The following CEP290 variants were observed in gnomAD, a reference collection of about 807,000 sequenced individuals.
The protein encoded by CEP290 is centrosomal protein of 290 kDa.
A neutral mutation model predicts 344.9 loss-of-function variants in CEP290; 317 were observed. That is an observed-to-expected ratio of 0.92 (90% CI 0.84 to 1.01). The LOEUF (loss-of-function observed/expected upper bound fraction) is 1.01, where lower values mean the gene tolerates loss of function less well. Among genes scored for constraint, CEP290 ranks in the 50% least tolerant of loss-of-function variants. The pLI is 0.00. For synonymous variants in CEP290, 932 were observed against 895.8 expected (o/e 1.04, Z -0.72); for missense variants, 2,754 against 2,761.4 (o/e 1.00, Z 0.06).
At chr12:88,138,439 G>C (rs1424056309) in intron 5 of CEP290, among the ~76,000 whole-genome samples, 1 of 152,146 alleles carries the variant, frequency 6.6e-6, no homozygotes, top group African/African-American at 2.4e-5. Flanking sequence ...CAAGTTCAGA[G>C]AGTTAACGAG....
intron 17 of CEP290, among the ~76,000 whole-genome samples, chr12:88,117,445 G>A (rs1055442367): frequency 2.0e-5 from 3 of 152,150 alleles, no homozygotes; most frequent in African/African-American, 7.2e-5. Flanking sequence ...AAATATAAAT[G>A]ATGAGTAATG....
chr12:88,093,560 T>C (rs544376620), intron 28 of CEP290: 2 of 479,822 alleles, frequency 4.2e-6, no homozygotes, highest in Non-Finnish European at 7.3e-6. Context: ...AATCTAATAA[T>C]ATAACATTGG....
At chr12:88,072,025 A>G in intron 41 of CEP290, 99 bp from the exon 42 acceptor site, 2 of 1,099,732 alleles carry the variant, frequency 1.8e-6, no homozygotes, top group East Asian at 2.8e-5. Context: ...TTGTAAACTA[A>G]TATTTCCTAG....
chr12:88,133,014 G>C (rs574759444), intron 6 of CEP290, among the ~76,000 whole-genome samples: 1 of 151,432 alleles, frequency 6.6e-6, no homozygotes, highest in South Asian at 2.1e-4. Context: ...TGAGTTTGCT[G>C]AGGATAATGG....
At chr12:88,051,560 C>T (rs2033535423) in intron 52 of CEP290, 1 of 152,070 alleles carries the variant, frequency 6.6e-6, no homozygotes, top group African/African-American at 2.4e-5. Context: ...TTAGAATTTC[C>T]AAAACAGTTC....
chr12:88,080,666 T>A (rs1247763626), intron 37 of CEP290, among the ~76,000 whole-genome samples: 1 of 152,140 alleles, frequency 6.6e-6, no homozygotes, highest in African/African-American at 2.4e-5. Context: ...TGACCTCAGG[T>A]GATAAGCCCG....
intron 40 of CEP290, 133 bp from the exon 41 acceptor site, chr12:88,077,477 T>C: frequency 1.5e-6 from 1 of 687,890 alleles, no homozygotes. Flanking sequence ...ACTTAATACA[T>C]AAGATAATCT....
intron 49 of CEP290, among the ~76,000 whole-genome samples, chr12:88,056,564 T>C (rs2034020735): frequency 6.6e-6 from 1 of 152,126 alleles, no homozygotes; most frequent in Non-Finnish European, 1.5e-5. Context: ...CTACCACAAG[T>C]AAACAGTGAA....
At chr12:88,063,923 A>G (rs2034685465) in intron 45 of CEP290, 58 bp downstream of exon 45, 1 of 1,412,312 alleles carries the variant, frequency 7.1e-7, no homozygotes, top group Non-Finnish European at 9.6e-7. Context: ...AAGTAAACAT[A>G]ACAACTAAGG....
chr12:88,077,918 T>C lies in CEP290; in HGVS notation c.5365A>G (p.Thr1789Ala). The C allele has an allele frequency of 8.1e-7, 1 of 1,235,692 alleles. No individual in the cohort carries two copies. Among genetic ancestry groups the C allele is most frequent in the Non-Finnish European group, 1.1e-6 (1 of 891,048 alleles). The allele number at this position is 1,235,692 out of a possible 1,614,324, so 76.5% of individuals were successfully genotyped here. The change falls in exon 40 of 54, where the codon ACA (threonine) becomes GCA (alanine). Residue 1789 changes from threonine to alanine, a missense_variant and splice_region_variant. Coordinates refer to ENST00000552810, the MANE Select transcript of CEP290 (RefSeq NM_025114.4). ...IVDRHTRELK[T>A]QVEDLNENLL... ...TTTTCATTTAAATCTTCAACTTGTG[T>C]CTAATAAGAGAAAAAGAAAGGTATT... is the stretch of plus-strand genomic sequence containing the variant.
At position 88,118,583 on chromosome 12, in the gene CEP290, A is replaced by G; in HGVS notation, c.1624-13T>C. On this transcript the variant is annotated splice_polypyrimidine_tract_variant and intron_variant, in intron 16 of 53. Transcript: ENST00000552810. Reference sequence around the variant, plus strand: ...CTAGACTTTCAATCTGCAAAGTATAAATTATTAGTATTTCTCTATAGTTCA... The same window carrying G: ...CTAGACTTTCAATCTGCAAAGTATAGATTATTAGTATTTCTCTATAGTTCA... 1.9e-6 allele frequency: 3 copies of G among 1,607,892 alleles called. No individual in the cohort carries two copies. Among genetic ancestry groups the G allele is most frequent in the Non-Finnish European group, 2.6e-6 (3 of 1,175,822 alleles).
intron 7 of CEP290, 37 bp downstream of exon 7, chr12:88,131,128 C>A: frequency 1.4e-6 from 2 of 1,444,334 alleles, no homozygotes; most frequent in Admixed American, 2.9e-5. Flanking sequence ...TTAATAAGTA[C>A]CTTTGTTGAA....
intron 32 of CEP290, among the ~76,000 whole-genome samples, chr12:88,087,155 C>T (rs1273510719): frequency 6.6e-6 from 1 of 152,098 alleles, no homozygotes; most frequent in African/African-American, 2.4e-5. Context: ...GAAGTATATA[C>T]TTTATTCTAT....
intron 23 of CEP290, among the ~76,000 whole-genome samples, chr12:88,107,630 G>T (rs1278909169): frequency 1.1e-4 from 17 of 150,148 alleles, no homozygotes; most frequent in African/African-American, 3.9e-4. Context: ...AAAAAAATAA[G>T]AAGAAGTATG....
intron 37 of CEP290, 62 bp downstream of exon 37, chr12:88,082,969 T>C (rs984850016): frequency 1.4e-5 from 14 of 998,646 alleles, no homozygotes; most frequent in East Asian, 5.5e-5. Flanking sequence ...CAAACACTTA[T>C]GTTTATCTTC....
In CEP290 at chr12:88,102,929, T is replaced by A; in HGVS notation, c.2900A>T (p.Lys967Ile). Residue 967 changes from lysine (K) to isoleucine (I), a missense_variant, in exon 26 of 54, where the codon AAA (lysine) becomes ATA (isoleucine). Transcript: ENST00000552810. ...VSLSELELAN[K>I]QYNELTAKYR... ...CTTAGCAGTCAGTTCATTGTACTGT[T>A]TATTAGCCAGTTCTAGTTCAGACAA... The A allele has an allele frequency of 6.2e-7, 1 of 1,605,876 alleles. No homozygotes were observed. The highest frequency in any genetic ancestry group is 1.1e-5 in the South Asian group (1 of 88,626).
At position 88,049,429 on chromosome 12, in the gene CEP290, AT is replaced by A; in HGVS notation, c.7210-16del. On this transcript the variant is annotated splice_polypyrimidine_tract_variant and intron_variant, in intron 53 of 53. Transcript: ENST00000552810. ...TTTATTTCCTCCTAATGGAAACATT[AT>A]CTTTAAAAGTTGCATATAGGAAATA... 1 of 1,271,284 alleles carries A rather than the reference AT, an allele frequency of 7.9e-7. No individual in the cohort carries two copies. Among genetic ancestry groups the A allele is most frequent in the Non-Finnish European group, 1.1e-6 (1 of 909,806 alleles). 78.8% of individuals were successfully genotyped at this position (1,271,284 alleles called of 1,614,324 possible).
Position 88,077,823 on chromosome 12 carries a change from A to T in CEP290, c.5460T>A (p.Asn1820Lys). Residue 1820 changes from asparagine to lysine, a missense_variant, in exon 40 of 54, where the codon AAT becomes AAA. Coordinates refer to ENST00000552810, the MANE Select transcript of CEP290 (RefSeq NM_025114.4). Reference protein sequence around the residue: ...NRENSLTDNLNDLNNELQKKQ... With the variant: ...NRENSLTDNLKDLNNELQKKQ... Reference sequence around the variant, plus strand: ...TCTTTTGCAGTTCATTATTTAAGTCATTCAAATTATCAGTTAGTGAGTTTT... The same window carrying T: ...TCTTTTGCAGTTCATTATTTAAGTCTTTCAAATTATCAGTTAGTGAGTTTT... 6.6e-7 allele frequency: 1 copy of T among 1,525,214 alleles called. No homozygotes were observed. The highest frequency in any genetic ancestry group is 9.0e-7 in the Non-Finnish European group (1 of 1,114,530). 94.5% of individuals were successfully genotyped at this position (1,525,214 alleles called of 1,614,324 possible).
chr12:88,112,323 G>A (rs1042407561), intron 20 of CEP290, among the ~76,000 whole-genome samples: 23 of 151,970 alleles, frequency 1.5e-4, no homozygotes, highest in African/African-American at 4.8e-4. Flanking sequence ...CAAAGCATGC[G>A]CAAAGGAATG....
Sources: gnomAD v4.1 joint callset for allele counts (sites outside exome capture counted in the v4.1 genomes callset) on GRCh38, gnomAD v4.1.1 for gene constraint, MANE v1.5 for transcripts, NCBI Gene and HGNC (gene_info 2026-07-23, HGNC 2026-07-21) for gene names.